TAFA1: variants seen among roughly 807,000 people sequenced by gnomAD.
TAFA1 encodes the protein chemokine-like protein TAFA-1.
Under a neutral mutation model 18.5 loss-of-function variants are expected in TAFA1, and 4 were observed. That is an observed-to-expected ratio of 0.22 (90% CI 0.11 to 0.49). The LOEUF is 0.49. Ranked by LOEUF, TAFA1 falls within the 20% of genes least tolerant of loss-of-function variation. TAFA1 has a pLI of 0.98. For missense variants in TAFA1, 147 were observed against 169.0 expected (o/e 0.87, Z 0.72); for synonymous variants, 56 against 55.2 (o/e 1.01, Z -0.06).
chr3:68,417,333 A>C lies in TAFA1; in HGVS notation c.172A>C (p.Ile58Leu). 6.2e-7 allele frequency: 1 copy of C among 1,613,538 alleles called. No individual in the cohort carries two copies. The change falls in exon 3 of 5, where the codon ATT becomes CTT. Residue 58 changes from isoleucine to leucine, a missense_variant. Coordinates refer to ENST00000478136, the MANE Select transcript of TAFA1 (RefSeq NM_213609.4). ...ACACCGATGTTGTAACAAGAATCGC[A>C]TTGAGGAGCGGTCACAAACAGTAAA... ...AAHRCCNKNRIEERSQTVKCS... is the reference protein window; with the variant it reads ...AAHRCCNKNRLEERSQTVKCS...
chr3:68,422,324 T>G (rs1304174542), intron 3 of TAFA1, among the ~76,000 whole-genome samples: 1 of 152,102 alleles, frequency 6.6e-6, no homozygotes, highest in Non-Finnish European at 1.5e-5. Context: ...ATTCCCAATC[T>G]CAGTTCCCTA....
At chr3:68,447,429 C>T (rs1199003185) in intron 3 of TAFA1, among the ~76,000 whole-genome samples, 2 of 152,164 alleles carry the variant, frequency 1.3e-5, no homozygotes, top group African/African-American at 4.8e-5. Flanking sequence ...GATTTGATAA[C>T]TCAATTCATC....
intron 2 of TAFA1, among the ~76,000 whole-genome samples, chr3:68,354,357 GTGT>G (rs1422742371): frequency 6.6e-6 from 1 of 151,952 alleles, no homozygotes; most frequent in Admixed American, 6.6e-5. Flanking sequence ...CAAAAGCCCT[GTGT>G]TTCCATCTAG....
chr3:68,350,442 A>C (rs1020004958), intron 2 of TAFA1, among the ~76,000 whole-genome samples: 1 of 152,164 alleles, frequency 6.6e-6, no homozygotes, highest in African/African-American at 2.4e-5. Flanking sequence ...CAGTAGAATC[A>C]TGAGGGATGG....
chr3:68,244,989 T>A (rs2067048011), intron 2 of TAFA1, among the ~76,000 whole-genome samples: 1 of 152,206 alleles, frequency 6.6e-6, no homozygotes, highest in Non-Finnish European at 1.5e-5. Context: ...AAATGTTTTC[T>A]TACCAAAGGA....
At chr3:68,486,426 C>T (rs2072341121) in intron 3 of TAFA1, among the ~76,000 whole-genome samples, 1 of 152,156 alleles carries the variant, frequency 6.6e-6, no homozygotes, top group African/African-American at 2.4e-5. Context: ...TGGTCGTTCC[C>T]ATTTGCAGCA....
intron 2 of TAFA1, among the ~76,000 whole-genome samples, chr3:68,158,583 G>C (rs2065890638): frequency 6.6e-6 from 1 of 151,910 alleles, no homozygotes; most frequent in Non-Finnish European, 1.5e-5. Context: ...GGAAACATTA[G>C]TCTTTATTCA....
chr3:68,311,955 C>CCA (rs1234629863), intron 2 of TAFA1, among the ~76,000 whole-genome samples: 2 of 152,234 alleles, frequency 1.3e-5, no homozygotes, highest in African/African-American at 4.8e-5. Context: ...CCAGGCATTT[C>CCA]CATACATCTG....
intron 3 of TAFA1, among the ~76,000 whole-genome samples, chr3:68,534,332 C>G (rs1033608535): frequency 6.6e-6 from 1 of 152,188 alleles, no homozygotes; most frequent in African/African-American, 2.4e-5. Flanking sequence ...TTCCAAGCCC[C>G]TATTCTTTCT....
intron 2 of TAFA1, among the ~76,000 whole-genome samples, chr3:68,113,973 C>G (rs13083599): frequency 0.54 from 78,917 of 147,004 alleles, 21,409 homozygotes; most frequent in South Asian, 0.64. Flanking sequence ...GGCACAATCT[C>G]GGCTCACTGC....
chr3:68,161,676 C>T lies in TAFA1; in HGVS notation c.118+154932C>T, dbSNP rs118165032. Among the ~76,000 whole-genome samples the T allele has an allele frequency of 4.6e-3, 705 of 152,238 alleles. 29 individuals carry two copies. In the East Asian group the frequency reaches 0.09, roughly 20 times the overall value. The stretch of plus-strand genomic sequence containing the variant: ...TCATTTTGCTAGTGAGAAAACTAGA[C>T]AAGCATAGATCTTGATAGCAAAGCT... On this transcript the variant is annotated intron_variant, in intron 2 of 4. Coordinates refer to ENST00000478136, the MANE Select transcript of TAFA1 (RefSeq NM_213609.4).
intron 3 of TAFA1, among the ~76,000 whole-genome samples, chr3:68,447,976 G>C (rs531063480): frequency 1.3e-5 from 2 of 152,296 alleles, no homozygotes; most frequent in South Asian, 2.1e-4. Context: ...AAGCACCAAG[G>C]TTAAATAATT....
At chr3:68,064,054 C>G (rs2064641213) in intron 2 of TAFA1, among the ~76,000 whole-genome samples, 1 of 151,998 alleles carries the variant, frequency 6.6e-6, no homozygotes, top group Non-Finnish European at 1.5e-5. Flanking sequence ...GAATAAAAAA[C>G]AAAACTTAAT....
intron 3 of TAFA1, among the ~76,000 whole-genome samples, chr3:68,476,673 C>T (rs2072102936): frequency 6.6e-6 from 1 of 152,078 alleles, no homozygotes; most frequent in African/African-American, 2.4e-5. Flanking sequence ...GGGGCCACAC[C>T]TAAATTAACC....
At chr3:68,422,784 C>T (rs1404668873) in intron 3 of TAFA1, among the ~76,000 whole-genome samples, 1 of 151,978 alleles carries the variant, frequency 6.6e-6, no homozygotes, top group South Asian at 2.1e-4. Context: ...AGCATTATAT[C>T]CTTGAACCTG....
intron 2 of TAFA1, among the ~76,000 whole-genome samples, chr3:68,244,329 C>A (rs1421508615): frequency 6.6e-6 from 1 of 152,014 alleles, no homozygotes; most frequent in Non-Finnish European, 1.5e-5. Context: ...GGACTCTTTG[C>A]CAAGTCCTAG....
chr3:68,395,127 G>A (rs1172835021), intron 2 of TAFA1, among the ~76,000 whole-genome samples: 3 of 152,056 alleles, frequency 2.0e-5, no homozygotes, highest in Admixed American at 6.6e-5. Flanking sequence ...ATCAAAAATG[G>A]CCAAAGGATA....
At chr3:68,491,441 C>T (rs1559691752) in intron 3 of TAFA1, among the ~76,000 whole-genome samples, 1 of 148,502 alleles carries the variant, frequency 6.7e-6, no homozygotes, top group Non-Finnish European at 1.5e-5. Flanking sequence ...TCGCCAAGAA[C>T]AAAAAACCAA....
intron 2 of TAFA1, among the ~76,000 whole-genome samples, chr3:68,365,880 G>A (rs1400361513): frequency 1.3e-5 from 2 of 152,050 alleles, no homozygotes; most frequent in African/African-American, 4.8e-5. Flanking sequence ...AAGGTCAGGA[G>A]TTCGAGACCA....
Sources: allele counts gnomAD v4.1 joint callset (sites outside exome capture counted in the v4.1 genomes callset), GRCh38; gene constraint gnomAD v4.1.1; transcripts MANE v1.5; gene names NCBI Gene and HGNC (gene_info 2026-07-23, HGNC 2026-07-21).